Variants in SLC2A9 observed in about 807,000 individuals in gnomAD.
The protein encoded by SLC2A9 is solute carrier family 2 member 9.
In SLC2A9, 39 loss-of-function variants were observed where a neutral mutation model predicts 50.6. The observed-to-expected ratio is 0.77, with a 90% confidence interval of 0.60 to 1.01. The LOEUF (loss-of-function observed/expected upper bound fraction) is 1.01. Among genes scored for constraint, SLC2A9 ranks in the 50% least tolerant of loss-of-function variants. SLC2A9 has a pLI of 0.00. For missense variants in SLC2A9, 686 were observed against 677.6 expected (o/e 1.01, Z -0.14); for synonymous variants, 324 against 276.9 (o/e 1.17, Z -1.69).
chr4:9,868,372 T>A (rs1449056276), intron 10 of SLC2A9, among the ~76,000 whole-genome samples: 1 of 152,192 alleles, frequency 6.6e-6, no homozygotes. Flanking sequence ...AGGTGGCCCA[T>A]CATGTAATTA....
rs1755613152 is a variant in SLC2A9 at position 9,980,798 on chromosome 4, G to T, written c.536-61C>A. On this transcript the variant is annotated intron_variant, in intron 4 of 11. Transcript: ENST00000264784. The stretch of plus-strand genomic sequence containing the variant: ...GTCTTCCCGGGGGAGCTGCACTCTG[G>T]TTACAATGCCTCTCTTGGCTCTGCT... 3.1e-6 allele frequency: 5 copies of T among 1,608,426 alleles called. No homozygotes were observed. In the African/African-American group the frequency reaches 4.0e-5, roughly 13 times the overall value.
At chr4:9,859,053 T>G (rs1731187303) in intron 10 of SLC2A9, among the ~76,000 whole-genome samples, 1 of 152,236 alleles carries the variant, frequency 6.6e-6, no homozygotes, top group African/African-American at 2.4e-5. Flanking sequence ...CTTTGGCCAC[T>G]GACTGAAGGG....
chr4:9,859,608 C>G (rs115028303), intron 10 of SLC2A9, among the ~76,000 whole-genome samples: 130 of 152,332 alleles, frequency 8.5e-4, no homozygotes, highest in African/African-American at 2.8e-3. Context: ...GGTGACAGAA[C>G]AGGTGAAGTG....
At chr4:9,984,673 G>T (rs1756419022) in intron 4 of SLC2A9, among the ~76,000 whole-genome samples, 1 of 152,150 alleles carries the variant, frequency 6.6e-6, no homozygotes, top group Non-Finnish European at 1.5e-5. Flanking sequence ...GCGTTTGTCT[G>T]ACAATATATC....
chr4:9,962,627 T>A (rs6836706), intron 5 of SLC2A9, among the ~76,000 whole-genome samples: 73,474 of 151,998 alleles, frequency 0.48, 19,121 homozygotes, highest in African/African-American at 0.67. Flanking sequence ...TTACTACTTA[T>A]GCAATGGGTC....
intron 9 of SLC2A9, among the ~76,000 whole-genome samples, chr4:9,889,568 A>G (rs979319939): frequency 2.0e-4 from 31 of 151,984 alleles, no homozygotes; most frequent in African/African-American, 7.5e-4. Context: ...CAATGCTTCC[A>G]CCTCCTGCCG....
intron 6 of SLC2A9, among the ~76,000 whole-genome samples, chr4:9,930,879 G>T (rs147908785): frequency 8.5e-4 from 130 of 152,292 alleles, no homozygotes; most frequent in African/African-American, 2.8e-3. Context: ...CAATCATATT[G>T]TGGAAGGGAC....
chr4:9,931,515 G>C (rs975662581), intron 6 of SLC2A9, among the ~76,000 whole-genome samples: 1 of 152,082 alleles, frequency 6.6e-6, no homozygotes, highest in Non-Finnish European at 1.5e-5. Context: ...GGCTTTGTGC[G>C]AGGTGTCTTA....
chr4:9,954,051 C>T (rs1750771476), intron 5 of SLC2A9, among the ~76,000 whole-genome samples: 1 of 152,176 alleles, frequency 6.6e-6, no homozygotes, highest in Non-Finnish European at 1.5e-5. Flanking sequence ...TCAGGTGATC[C>T]ACCCACCTCA....
At position 9,890,668 on chromosome 4, in the gene SLC2A9, C is replaced by A. The variant is rs1163158259; in HGVS notation, c.1157G>T (p.Gly386Val). ...GAAGAGGCCCATGAGCCCAAAGCCACCAATGAGGAGGGGTCTCCGTCCCAG... is the reference window on the plus strand; with the variant it reads ...GAAGAGGCCCATGAGCCCAAAGCCAACAATGAGGAGGGGTCTCCGTCCCAG... ...EHLGRRPLLI[G>V]GFGLMGLFFG... Residue 386 changes from glycine to valine, a missense_variant, in exon 9 of 12, where the codon GGT becomes GTT. Gly to Val is a moderately radical substitution (Grantham distance 109). Transcript: ENST00000264784. The A allele has an allele frequency of 1.2e-6, 2 of 1,614,148 alleles. No homozygotes were observed. Among genetic ancestry groups the A allele is most frequent in the Non-Finnish European group, 1.7e-6 (2 of 1,180,032 alleles).
At chr4:9,868,387 C>T (rs560890591) in intron 10 of SLC2A9, among the ~76,000 whole-genome samples, 5 of 152,336 alleles carry the variant, frequency 3.3e-5, no homozygotes, top group Admixed American at 3.3e-4. Flanking sequence ...TAATTAGAAG[C>T]CAGGTGACCT....
chr4:9,849,846 C>T (rs904590369), intron 10 of SLC2A9, among the ~76,000 whole-genome samples: 16 of 151,964 alleles, frequency 1.1e-4, no homozygotes, highest in Admixed American at 7.2e-4. Context: ...TCAATAGAGA[C>T]GGAGGTCAGC....
intron 3 of SLC2A9, among the ~76,000 whole-genome samples, chr4:9,786,483 C>T (rs982797954): frequency 1.3e-5 from 2 of 152,208 alleles, no homozygotes; most frequent in Non-Finnish European, 2.9e-5. Flanking sequence ...TTAATTGATT[C>T]ATCCCCACAG....
chr4:9,848,311 G>A (rs960944577), intron 10 of SLC2A9, among the ~76,000 whole-genome samples: 5 of 149,266 alleles, frequency 3.3e-5, no homozygotes, highest in East Asian at 2.0e-4. Context: ...GCCAGCATAA[G>A]TAACTACACA....
intron 8 of SLC2A9, among the ~76,000 whole-genome samples, chr4:9,891,206 G>T (rs952097835): frequency 6.6e-6 from 1 of 152,182 alleles, no homozygotes; most frequent in African/African-American, 2.4e-5. Context: ...TGTGGGATGT[G>T]ATGTGGGGAG....
At chr4:9,915,675 T>C (rs1742732671) in intron 7 of SLC2A9, among the ~76,000 whole-genome samples, 1 of 152,242 alleles carries the variant, frequency 6.6e-6, no homozygotes, top group Non-Finnish European at 1.5e-5. Context: ...TGCAGGCAGA[T>C]GACCCCAAGC....
chr4:9,843,112 T>C (rs895621996), intron 10 of SLC2A9, among the ~76,000 whole-genome samples: 2 of 152,146 alleles, frequency 1.3e-5, no homozygotes, highest in South Asian at 4.1e-4. Flanking sequence ...TGAGCAGTGC[T>C]TTTGGCCTGC....
At chr4:9,974,113 C>G (rs554122736) in intron 5 of SLC2A9, among the ~76,000 whole-genome samples, 1 of 152,226 alleles carries the variant, frequency 6.6e-6, no homozygotes, top group African/African-American at 2.4e-5. Flanking sequence ...TCTCAAGAAA[C>G]TAAGCATTAA....
chr4:9,889,536 G>C (rs754413858), intron 9 of SLC2A9, among the ~76,000 whole-genome samples: 7 of 152,176 alleles, frequency 4.6e-5, no homozygotes, highest in Non-Finnish European at 7.3e-5. Context: ...AACTGCATCT[G>C]CCAGCACATT....
Sources: gnomAD v4.1 joint callset for allele counts (sites outside exome capture counted in the v4.1 genomes callset) on GRCh38, gnomAD v4.1.1 for gene constraint, MANE v1.5 for transcripts, NCBI Gene and HGNC (gene_info 2026-07-23, HGNC 2026-07-21) for gene names.